The following FRMD3 variants were observed in gnomAD, a reference collection of about 807,000 sequenced individuals.
The protein encoded by FRMD3 is FERM domain-containing protein 3.
Under a neutral mutation model 70.2 loss-of-function variants are expected in FRMD3, and 33 were observed. The ratio of observed to expected loss-of-function variants is 0.47; its 90% CI spans 0.36 to 0.63. The LOEUF is 0.63. Among genes scored for constraint, FRMD3 ranks in the 20% least tolerant of loss-of-function variants. FRMD3 has a pLI of 0.00. For synonymous variants in FRMD3, 279 were observed against 255.9 expected (o/e 1.09, Z -0.86); for missense variants, 632 against 711.4 (o/e 0.89, Z 1.27).
chr9:83,273,901 G>A (rs1265088770), intron 13 of FRMD3, among the ~76,000 whole-genome samples: 4 of 151,954 alleles, frequency 2.6e-5, no homozygotes, highest in Non-Finnish European at 4.4e-5. Flanking sequence ...CTGCAGCCTC[G>A]ACCTCCTGGG....
intron 10 of FRMD3, among the ~76,000 whole-genome samples, chr9:83,305,234 T>G (rs538214190): frequency 2.0e-5 from 3 of 152,140 alleles, no homozygotes; most frequent in Non-Finnish European, 4.4e-5. Context: ...GGCATACCCC[T>G]GAGGTTACCA....
chr9:83,387,080 T>TA (rs953024613), intron 2 of FRMD3, among the ~76,000 whole-genome samples: 2 of 151,940 alleles, frequency 1.3e-5, no homozygotes, highest in South Asian at 2.1e-4. Context: ...CCCTTTGTAA[T>TA]AAAAAAAATG....
intron 1 of FRMD3, among the ~76,000 whole-genome samples, chr9:83,510,740 T>C (rs770451170): frequency 1.3e-5 from 2 of 152,190 alleles, no homozygotes; most frequent in Non-Finnish European, 2.9e-5. Flanking sequence ...GAAAATCCTA[T>C]GCTAAATGGA....
intron 1 of FRMD3, among the ~76,000 whole-genome samples, chr9:83,512,485 T>C (rs769194784): frequency 7.2e-5 from 11 of 152,198 alleles, no homozygotes; most frequent in Non-Finnish European, 1.6e-4. Flanking sequence ...TCTTGGGGCA[T>C]TAAAACTTTG....
chr9:83,534,536 G>C (rs1051633631), intron 1 of FRMD3, among the ~76,000 whole-genome samples: 1 of 152,190 alleles, frequency 6.6e-6, no homozygotes, highest in African/African-American at 2.4e-5. Context: ...CTCCCCTTGT[G>C]GGAGGCACAC....
chr9:83,545,837 A>G, the FRMD3 span, among the ~76,000 whole-genome samples: 2 of 152,210 alleles, frequency 1.3e-5, no homozygotes, highest in African/African-American at 4.8e-5. Flanking sequence ...ACACATCCAG[A>G]TACAAGAAGC....
intron 1 of FRMD3, among the ~76,000 whole-genome samples, chr9:83,494,590 CT>C (rs1828897799): frequency 6.6e-6 from 1 of 152,020 alleles, no homozygotes; most frequent in Admixed American, 6.6e-5. Context: ...ACACATGTTC[CT>C]TTTAGAATGT....
At position 83,313,669 on chromosome 9, in the gene FRMD3, G is replaced by A. The variant is rs1434986757; in HGVS notation, c.675C>T (p.His225=). Residue 225 remains histidine (H), a synonymous_variant, in exon 7 of 14, where the codon CAC becomes CAT. Transcript: ENST00000304195. ...HTLETYGVDP[H]PCKDSTGTTT... ...TGTGAGGGGCAGTTACCTTGCATGGGTGAGGATCCACCCCGTAGGTTTCCA... is the reference window on the plus strand; with the variant it reads ...TGTGAGGGGCAGTTACCTTGCATGGATGAGGATCCACCCCGTAGGTTTCCA... The A allele has an allele frequency of 1.9e-6, 3 of 1,613,494 alleles. No homozygotes were observed. The highest frequency in any genetic ancestry group is 2.7e-5 in the African/African-American group (2 of 74,936).
chr9:83,493,782 C>G (rs938630964), intron 1 of FRMD3, among the ~76,000 whole-genome samples: 1 of 152,156 alleles, frequency 6.6e-6, no homozygotes, highest in African/African-American at 2.4e-5. Flanking sequence ...GCAGCTCTTA[C>G]CCAGTCCTAT....
At chr9:83,365,439 T>C (rs1310832725) in intron 3 of FRMD3, among the ~76,000 whole-genome samples, 1 of 152,216 alleles carries the variant, frequency 6.6e-6, no homozygotes, top group Non-Finnish European at 1.5e-5. Context: ...TAGTACTTTT[T>C]CCCCATTACA....
chr9:83,285,698 T>C (rs1372256296), intron 13 of FRMD3, among the ~76,000 whole-genome samples: 2 of 152,222 alleles, frequency 1.3e-5, no homozygotes, highest in Non-Finnish European at 2.9e-5. Flanking sequence ...ACTCTACTGA[T>C]AAAACACAGA....
At chr9:83,394,022 A>C (rs1825746210) in intron 1 of FRMD3, among the ~76,000 whole-genome samples, 1 of 151,190 alleles carries the variant, frequency 6.6e-6, no homozygotes, top group African/African-American at 2.4e-5. Context: ...CCCCACAGAG[A>C]GTTTGAGAGT....
chr9:83,527,857 GGC>G (rs1171605548), intron 1 of FRMD3, among the ~76,000 whole-genome samples: 2 of 152,134 alleles, frequency 1.3e-5, no homozygotes, highest in African/African-American at 4.8e-5. Flanking sequence ...CTCCGCATCT[GGC>G]TCTCTGCTAC....
chr9:83,357,256 T>C lies in FRMD3; in HGVS notation c.296-7499A>G, dbSNP rs1564032668. On this transcript the variant is annotated intron_variant, in intron 3 of 13. Coordinates refer to ENST00000304195, the MANE Select transcript of FRMD3 (RefSeq NM_174938.6). ...TATATATAATACATACATATATATA[T>C]ATATATATATATATATATATATATA... Among the ~76,000 whole-genome samples the C allele has an allele frequency of 6.9e-4, 30 of 43,332 alleles. 7 individuals carry two copies. Among genetic ancestry groups the C allele is most frequent in the African/African-American group, 4.9e-3 (30 of 6,078 alleles). 28.4% of individuals were successfully genotyped at this position (43,332 alleles called of 152,430 possible). A position where few individuals can be genotyped will look rare whatever the true frequency, so the allele number is the denominator to read the frequency against.
chr9:83,398,486 T>G (rs1825865520), intron 1 of FRMD3, among the ~76,000 whole-genome samples: 1 of 152,216 alleles, frequency 6.6e-6, no homozygotes, highest in African/African-American at 2.4e-5. Context: ...TTGATTTGTG[T>G]TATCCAAATA....
chr9:83,584,106 C>T, the FRMD3 span, among the ~76,000 whole-genome samples: 55 of 152,140 alleles, frequency 3.6e-4, no homozygotes, highest in African/African-American at 1.1e-3. Context: ...AAGGCCAAGG[C>T]GGGTGGATCA....
intron 4 of FRMD3, among the ~76,000 whole-genome samples, chr9:83,347,296 A>AT (rs143564538): frequency 0.15 from 22,875 of 151,980 alleles, 1,841 homozygotes; most frequent in East Asian, 0.35. Context: ...AAGGATGCTC[A>AT]TTTTTTTTAT....
chr9:83,490,786 T>A (rs943221181), intron 1 of FRMD3, among the ~76,000 whole-genome samples: 18 of 128,456 alleles, frequency 1.4e-4, no homozygotes, highest in East Asian at 7.8e-4. Context: ...TCTCTCTCTC[T>A]CTCTCTCTCT....
At chr9:83,415,220 C>T (rs776198227) in intron 1 of FRMD3, among the ~76,000 whole-genome samples, 5 of 152,126 alleles carry the variant, frequency 3.3e-5, no homozygotes, top group East Asian at 1.9e-4. Context: ...TTGTTGAACC[C>T]GACTGAAAGC....
Sources: gnomAD v4.1 joint callset for allele counts (sites outside exome capture counted in the v4.1 genomes callset) on GRCh38, gnomAD v4.1.1 for gene constraint, MANE v1.5 for transcripts, NCBI Gene and HGNC (gene_info 2026-07-23, HGNC 2026-07-21) for gene names.